Variants in PANK3 observed in about 807,000 individuals in gnomAD.
The protein encoded by PANK3 is hPanK3.
Under a neutral mutation model 39.4 loss-of-function variants are expected in PANK3, and 20 were observed. The ratio of observed to expected loss-of-function variants is 0.51; its 90% CI spans 0.36 to 0.74. PANK3 has a LOEUF of 0.74. Among genes scored for constraint, PANK3 ranks in the 30% least tolerant of loss-of-function variants. The pLI is 0.00. For synonymous variants in PANK3, 140 were observed against 157.3 expected (o/e 0.89, Z 0.82); for missense variants, 265 against 437.0 (o/e 0.61, Z 3.51).
Position 168,552,885 on chromosome 5 carries a change from A to T in PANK3, c.*4686T>A, listed in dbSNP as rs1759294542. The stretch of plus-strand genomic sequence containing the variant: ...AGTAATAGAAGACAACATTGATTCC[A>T]GAGAGCTACTGAGAGAGCTGGAGCA... On this transcript the variant is annotated 3_prime_UTR_variant, in exon 7 of 7. Coordinates refer to ENST00000239231, the MANE Select transcript of PANK3 (RefSeq NM_024594.4). 5.1e-6 allele frequency: 1 copy of T among 197,818 alleles called. No homozygotes were observed. Among genetic ancestry groups the T allele is most frequent in the Admixed American group, 5.6e-5 (1 of 17,834 alleles). 12.3% of individuals were successfully genotyped at this position (197,818 alleles called of 1,614,324 possible).
chr5:168,567,075 A>G (rs1469525973), intron 2 of PANK3, among the ~76,000 whole-genome samples: 2 of 152,214 alleles, frequency 1.3e-5, no homozygotes, highest in African/African-American at 4.8e-5. Flanking sequence ...TAAATTTGCT[A>G]GGAATTGAAC....
chr5:168,566,647 ATC>A (rs1759540118), intron 2 of PANK3, among the ~76,000 whole-genome samples: 1 of 152,224 alleles, frequency 6.6e-6, no homozygotes, highest in Non-Finnish European at 1.5e-5. Flanking sequence ...ATTTATAATT[ATC>A]TGAGGCTAGA....
rs771045313 is a variant in PANK3, at chr5:168,568,700, C to A, written c.327G>T (p.Thr109=). 1 of 1,614,020 alleles carries A rather than the reference C, an allele frequency of 6.2e-7. No homozygotes were observed. The highest frequency in any genetic ancestry group is 8.5e-7 in the Non-Finnish European group (1 of 1,179,996). The change falls in exon 2 of 7, where the codon ACG becomes ACT. Residue 109 remains threonine, a synonymous_variant. Coordinates refer to ENST00000239231, the MANE Select transcript of PANK3 (RefSeq NM_024594.4). ...CACCACCTCCTGTAGCACATAGCAC[C>A]GTCTGCAATGTTGAGAAGTTTTTAT... ...GRDKNFSTLQ[T]VLCATGGGAY... is the part of the protein sequence containing the mutation.
At chr5:168,577,115 G>A (rs865890268) in intron 1 of PANK3, among the ~76,000 whole-genome samples, 18 of 151,748 alleles carry the variant, frequency 1.2e-4, no homozygotes, top group African/African-American at 4.1e-4. Context: ...TCCTGACCTC[G>A]TGATCTGCCC....
intron 4 of PANK3, 25 bp from the exon 5 acceptor site, chr5:168,561,541 C>A: frequency 6.5e-7 from 1 of 1,537,702 alleles, no homozygotes; most frequent in South Asian, 1.2e-5. Flanking sequence ...AAAATAAAGT[C>A]AAATCTGCTG....
chr5:168,560,568 C>T (rs546326385), intron 5 of PANK3, among the ~76,000 whole-genome samples: 9 of 152,160 alleles, frequency 5.9e-5, no homozygotes, highest in Non-Finnish European at 1.2e-4. Flanking sequence ...AAAGCCAGAT[C>T]TTTGTTTTCT....
chr5:168,578,102 A>G (rs1206552142), intron 1 of PANK3, among the ~76,000 whole-genome samples: 2 of 152,248 alleles, frequency 1.3e-5, no homozygotes, highest in Admixed American at 6.5e-5. Context: ...GTGCAAGAGA[A>G]AGAACACTGT....
intron 3 of PANK3, among the ~76,000 whole-genome samples, chr5:168,565,223 GTA>G (rs1759505359): frequency 6.6e-6 from 1 of 152,014 alleles, no homozygotes. Context: ...TTAATCTAAA[GTA>G]TTTGAAAATC....
At chr5:168,564,131 G>A (rs1179576348) in intron 3 of PANK3, 66 bp from the exon 4 acceptor site, 7 of 1,326,958 alleles carry the variant, frequency 5.3e-6, no homozygotes, top group Non-Finnish European at 6.1e-6. Flanking sequence ...AAAGTAAAAG[G>A]GTGGATCATT....
Position 168,548,900 on chromosome 5 carries a change from G to C in PANK3, c.*8671C>G, listed in dbSNP as rs922032240. ...TTCAGTGTTAAAAGAATTCAGACAT[G>C]ATAAAGCTTAGACTTGACAAGAATG... On this transcript the variant is annotated 3_prime_UTR_variant, in exon 7 of 7. Transcript: ENST00000239231. The C allele has an allele frequency of 3.9e-5, 6 of 152,166 alleles. No individual in the cohort carries two copies. Among genetic ancestry groups the C allele is most frequent in the African/African-American group, 1.2e-4 (5 of 41,444 alleles). The allele number at this position is 152,166 out of a possible 1,614,324, so 9.4% of individuals were successfully genotyped here.
At chr5:168,579,119 A>C in intron 1 of PANK3, 137 bp downstream of exon 1, 1 of 684,338 alleles carries the variant, frequency 1.5e-6, no homozygotes, top group Non-Finnish European at 2.2e-6. Context: ...CGTGGCTCAA[A>C]TGGTCCCTCC....
In PANK3 at chr5:168,553,275, A is replaced by T. The variant is rs1423062970; in HGVS notation, c.*4296T>A. 1 of 529,284 alleles carries T rather than the reference A, an allele frequency of 1.9e-6. No individual in the cohort carries two copies. Among genetic ancestry groups the T allele is most frequent in the Non-Finnish European group, 3.8e-6 (1 of 264,068 alleles). The allele number at this position is 529,284 out of a possible 1,614,324, so 32.8% of individuals were successfully genotyped here. A position where few individuals can be genotyped will look rare whatever the true frequency, so the allele number is the denominator to read the frequency against. On this transcript the variant is annotated 3_prime_UTR_variant, in exon 7 of 7. Transcript: ENST00000239231. ...GAGCACTAAAGGTACCCCAAAGGGGAGTAGGCGAGATCTCTCCAATGTACA... is the reference window on the plus strand; with the variant it reads ...GAGCACTAAAGGTACCCCAAAGGGGTGTAGGCGAGATCTCTCCAATGTACA...
chr5:168,579,365 G>T lies in PANK3; in HGVS notation c.-82C>A. On this transcript the variant is annotated 5_prime_UTR_variant, in exon 1 of 7. Coordinates refer to ENST00000239231, the MANE Select transcript of PANK3 (RefSeq NM_024594.4). ...CGGCGACTCCGGAGGTGGCTGGGCC[G>T]CGCGGCGAGGCCCGGCCGGTTCCTC... The T allele has an allele frequency of 8.3e-7, 1 of 1,210,986 alleles. No individual in the cohort carries two copies. Among genetic ancestry groups the T allele is most frequent in the Non-Finnish European group, 1.1e-6 (1 of 925,836 alleles). The allele number at this position is 1,210,986 out of a possible 1,614,324, so 75.0% of individuals were successfully genotyped here. A position where few individuals can be genotyped will look rare whatever the true frequency, so the allele number is the denominator to read the frequency against.
At chr5:168,566,373 C>T (rs1435946656) in intron 2 of PANK3, 107 bp from the exon 3 acceptor site, 1 of 1,225,610 alleles carries the variant, frequency 8.2e-7, no homozygotes, top group African/African-American at 1.5e-5. Flanking sequence ...CTATGACCCC[C>T]ACATTTTCAT....
chr5:168,571,916 T>A (rs938953731), intron 1 of PANK3, among the ~76,000 whole-genome samples: 1 of 152,124 alleles, frequency 6.6e-6, no homozygotes, highest in Non-Finnish European at 1.5e-5. Flanking sequence ...GAAAGGTACT[T>A]CCAGTGTAGG....
rs1190074252 is a variant in PANK3 at position 168,569,026 on chromosome 5, A to ATATAT, written c.29-29_29-28insATATA. The ATATAT allele has an allele frequency of 1.8e-4, 54 of 306,038 alleles. No homozygotes were observed. The African/African-American group carries it at 1.9e-3, about 11-fold the overall frequency. 19.0% of individuals were successfully genotyped at this position (306,038 alleles called of 1,614,324 possible). A position where few individuals can be genotyped will look rare whatever the true frequency, so the allele number is the denominator to read the frequency against. On this transcript the variant is annotated intron_variant, in intron 1 of 6. Coordinates refer to ENST00000239231, the MANE Select transcript of PANK3 (RefSeq NM_024594.4). Reference sequence around the variant, plus strand: ...ATGGGAGGAAAAAAAAAAAAAAAAAAAAAAATATATATATATATATATATC... The same window carrying ATATAT: ...ATGGGAGGAAAAAAAAAAAAAAAAAATATATAAAAATATATATATATATATATATC...
intron 5 of PANK3, among the ~76,000 whole-genome samples, chr5:168,559,946 T>C (rs932545707): frequency 1.6e-4 from 25 of 152,230 alleles, no homozygotes; most frequent in African/African-American, 6.0e-4. Flanking sequence ...ATTTGGTTTC[T>C]TAGATTATCT....
intron 4 of PANK3, 59 bp downstream of exon 4, chr5:168,563,830 C>T: frequency 6.9e-7 from 1 of 1,458,744 alleles, no homozygotes; most frequent in South Asian, 1.4e-5. Flanking sequence ...TTTCCAAAAA[C>T]ATAAGCAACT....
intron 4 of PANK3, among the ~76,000 whole-genome samples, chr5:168,562,515 G>A (rs540786235): frequency 6.6e-6 from 1 of 152,308 alleles, no homozygotes; most frequent in African/African-American, 2.4e-5. Flanking sequence ...CTATCAAAGG[G>A]CACTGGATTC....
Sources: allele counts gnomAD v4.1 joint callset (sites outside exome capture counted in the v4.1 genomes callset), GRCh38; gene constraint gnomAD v4.1.1; transcripts MANE v1.5; gene names NCBI Gene and HGNC (gene_info 2026-07-23, HGNC 2026-07-21).